The following CSMD3 variants were observed in gnomAD, a reference collection of about 807,000 sequenced individuals.
CSMD3 encodes CUB and sushi domain-containing protein 3.
Under a neutral mutation model 435.2 loss-of-function variants are expected in CSMD3, and 177 were observed. That is an observed-to-expected ratio of 0.41 (90% confidence interval 0.36 to 0.46). CSMD3 has a LOEUF of 0.46. CSMD3 is among the 20% of genes least tolerant of loss of function. The pLI is 0.34. For synonymous variants in CSMD3, 1,656 were observed against 1,520.5 expected (o/e 1.09, Z -2.07); for missense variants, 4,265 against 4,504.6 (o/e 0.95, Z 1.52).
intron 10 of CSMD3, among the ~76,000 whole-genome samples, chr8:112,902,981 G>C (rs2082147295): frequency 6.6e-6 from 1 of 150,968 alleles, no homozygotes; most frequent in Non-Finnish European, 1.5e-5. Flanking sequence ...CTCCAGAAGG[G>C]AATCATTGCT....
At position 113,376,898 on chromosome 8, in the gene CSMD3, A is replaced by ACAAAACAG. The variant is rs1285502194; in HGVS notation, c.178+59771_178+59778dup. 6 of 1,601,754 alleles carry ACAAAACAG rather than the reference A, an allele frequency of 3.7e-6. No homozygotes were observed. The East Asian group carries it at 6.9e-5, about 18-fold the overall frequency. On this transcript the variant is annotated intron_variant, in intron 1 of 70. Coordinates refer to ENST00000297405, the MANE Select transcript of CSMD3 (RefSeq NM_198123.2). ...AAGATGAAGCTTCCTGGCCGGGAAA[A>ACAAAACAG]CAAAACAGCCGTGGTTGTGGGGGCC...
chr8:113,418,982 C>CT (rs942442294), intron 1 of CSMD3, among the ~76,000 whole-genome samples: 4 of 152,102 alleles, frequency 2.6e-5, no homozygotes, highest in African/African-American at 9.7e-5. Flanking sequence ...GCTTCTGCAC[C>CT]TGCAAGAGAT....
intron 17 of CSMD3, among the ~76,000 whole-genome samples, chr8:112,657,906 C>T (rs2075293683): frequency 6.6e-6 from 1 of 152,156 alleles, no homozygotes; most frequent in Admixed American, 6.5e-5. Context: ...TTTTAGACAA[C>T]TGTCTTCCTT....
chr8:112,272,694 CA>C (rs2130491649), intron 59 of CSMD3, among the ~76,000 whole-genome samples: 1 of 152,140 alleles, frequency 6.6e-6, no homozygotes, highest in African/African-American at 2.4e-5. Flanking sequence ...ATGATTCTAC[CA>C]ATCATATATT....
At chr8:112,484,566 G>T (rs1230001832) in intron 31 of CSMD3, among the ~76,000 whole-genome samples, 1 of 151,700 alleles carries the variant, frequency 6.6e-6, no homozygotes, top group African/African-American at 2.4e-5. Context: ...AGGTACATTT[G>T]AGGTCTCACT....
chr8:112,674,712 T>C (rs1302885657), intron 16 of CSMD3, among the ~76,000 whole-genome samples: 1 of 152,138 alleles, frequency 6.6e-6, no homozygotes, highest in Non-Finnish European at 1.5e-5. Flanking sequence ...TCAATAGGCA[T>C]AGAAGGTAGA....
chr8:112,273,005 T>G (rs1817671292), intron 59 of CSMD3, among the ~76,000 whole-genome samples: 1 of 152,234 alleles, frequency 6.6e-6, no homozygotes, highest in Admixed American at 6.5e-5. Context: ...ACTTAAATTA[T>G]TTTATGCAAT....
chr8:112,606,972 G>GAAAA (rs71309778), intron 22 of CSMD3, among the ~76,000 whole-genome samples: 5 of 36,640 alleles, frequency 1.4e-4, no homozygotes, highest in East Asian at 8.1e-4. Flanking sequence ...CTCAAGCTAT[G>GAAAA]AAAAAAAAAA....
At chr8:113,114,997 T>C (rs1029628961) in intron 4 of CSMD3, among the ~76,000 whole-genome samples, 1 of 152,218 alleles carries the variant, frequency 6.6e-6, no homozygotes, top group Admixed American at 6.5e-5. Context: ...CTTTCGTTAC[T>C]TAAACCATAG....
In CSMD3 at chr8:113,413,887, T is replaced by C. The variant is rs2094570279; in HGVS notation, c.178+22790A>G. On this transcript the variant is annotated intron_variant, in intron 1 of 70. Coordinates refer to ENST00000297405, the MANE Select transcript of CSMD3 (RefSeq NM_198123.2). ...AATATTGATCGAAAGTGTTCGAATG[T>C]CCTCAGAAGGTTATTTGGAAACTGA... Among the ~76,000 whole-genome samples, 3 of 152,300 alleles carry C rather than the reference T, an allele frequency of 2.0e-5. No individual in the cohort carries two copies. In the South Asian group the frequency reaches 6.2e-4, roughly 32 times the overall value.
chr8:112,609,192 A>C, intron 22 of CSMD3, among the ~76,000 whole-genome samples: 1 of 116,072 alleles, frequency 8.6e-6, no homozygotes, highest in Non-Finnish European at 1.7e-5. Context: ...ACAGAGAAAG[A>C]TACTGCCTCA....
chr8:112,904,475 T>G (rs1166586592), intron 10 of CSMD3, among the ~76,000 whole-genome samples: 1 of 151,448 alleles, frequency 6.6e-6, no homozygotes, highest in Non-Finnish European at 1.5e-5. Context: ...TCATAAAGCC[T>G]TTAGATGACT....
At chr8:112,715,154 A>G (rs1255170565) in intron 13 of CSMD3, among the ~76,000 whole-genome samples, 1 of 152,162 alleles carries the variant, frequency 6.6e-6, no homozygotes, top group Non-Finnish European at 1.5e-5. Context: ...TGAAAAAATT[A>G]ACAAAATAGA....
intron 24 of CSMD3, among the ~76,000 whole-genome samples, chr8:112,565,371 T>C (rs1244299236): frequency 2.0e-5 from 3 of 152,122 alleles, no homozygotes; most frequent in African/African-American, 7.2e-5. Flanking sequence ...CATCTGATAA[T>C]TTTTTACGAT....
intron 66 of CSMD3, among the ~76,000 whole-genome samples, 164 bp downstream of exon 66, chr8:112,241,556 T>C (rs1315882364): frequency 6.6e-6 from 1 of 152,130 alleles, no homozygotes; most frequent in Non-Finnish European, 1.5e-5. Flanking sequence ...CATGTCACTG[T>C]ATTACATTGC....
intron 32 of CSMD3, 73 bp from the exon 33 acceptor site, chr8:112,409,105 A>T (rs1832109890): frequency 6.2e-7 from 1 of 1,605,944 alleles, no homozygotes; most frequent in Non-Finnish European, 8.5e-7. Context: ...ACAAAAAAAT[A>T]GAAAGAGGAG....
At chr8:112,450,304 CAACT>C (rs1816111665) in intron 32 of CSMD3, among the ~76,000 whole-genome samples, 1 of 152,130 alleles carries the variant, frequency 6.6e-6, no homozygotes, top group African/African-American at 2.4e-5. Context: ...GAAAAATGCA[CAACT>C]AATTGCATTT....
intron 1 of CSMD3, among the ~76,000 whole-genome samples, chr8:113,398,676 T>C (rs1179849906): frequency 1.3e-5 from 2 of 152,174 alleles, no homozygotes; most frequent in African/African-American, 4.8e-5. Context: ...TCTAAAATTG[T>C]GCTTATTATT....
chr8:113,123,938 T>A (rs1224896499), intron 4 of CSMD3, among the ~76,000 whole-genome samples: 4 of 151,938 alleles, frequency 2.6e-5, no homozygotes, highest in African/African-American at 9.7e-5. Flanking sequence ...CTACTACTAA[T>A]TTTACCCTGC....
Sources: gnomAD v4.1 joint callset for allele counts (sites outside exome capture counted in the v4.1 genomes callset) on GRCh38, gnomAD v4.1.1 for gene constraint, MANE v1.5 for transcripts, NCBI Gene and HGNC (gene_info 2026-07-23, HGNC 2026-07-21) for gene names.